Variants in RGPD2 observed in about 807,000 individuals in gnomAD.
The protein encoded by RGPD2 is RANBP2-like and GRIP domain-containing protein 2.
A neutral mutation model predicts 36.0 loss-of-function variants in RGPD2; 2 were observed. That is an observed-to-expected ratio of 0.06 (90% CI 0.02 to 0.17). RGPD2 has a LOEUF of 0.17. RGPD2 is among the 10% of genes least tolerant of loss of function. RGPD2 has a pLI of 1.00. For missense variants in RGPD2, 40 were observed against 464.3 expected (o/e 0.09, Z 8.40); for synonymous variants, 19 against 163.8 (o/e 0.12, Z 6.75).
chr2:87,972,699 G>A, the RGPD2 span: 65 of 1,589,088 alleles, frequency 4.1e-5, no homozygotes, highest in Non-Finnish European at 5.4e-5. Flanking sequence ...GAGGCCTGGG[G>A]GGCACTTCGG....
the RGPD2 span, chr2:87,968,688 C>T: frequency 8.8e-3 from 1,938 of 219,860 alleles, 20 homozygotes; most frequent in Non-Finnish European, 0.014. Flanking sequence ...CTTCGGAAAC[C>T]CAGCGGGCGC....
the RGPD2 span, among the ~76,000 whole-genome samples, chr2:87,880,485 A>G: frequency 8.1e-5 from 7 of 86,352 alleles, no homozygotes; most frequent in Non-Finnish European, 1.3e-4. Flanking sequence ...ACAGTTGTGT[A>G]GCTTTTATAG....
chr2:87,828,382 TGAA>T (rs1318579424), upstream of RGPD2, among the ~76,000 whole-genome samples: 4 of 99,488 alleles, frequency 4.0e-5, no homozygotes, highest in Non-Finnish European at 8.2e-5. Flanking sequence ...GTCTAAATAA[TGAA>T]GATTTTTTTC....
chr2:87,961,616 C>T, the RGPD2 span, among the ~76,000 whole-genome samples: 1 of 144,350 alleles, frequency 6.9e-6, no homozygotes, highest in Non-Finnish European at 1.5e-5. Context: ...GCACGAGAAT[C>T]GCTTGAAACT....
At chr2:87,893,547 G>T in the RGPD2 span, among the ~76,000 whole-genome samples, 2 of 129,006 alleles carry the variant, frequency 1.6e-5, no homozygotes, top group African/African-American at 6.6e-5. Context: ...GCTATTCTTT[G>T]TATTGCTTAC....
At chr2:87,830,894 G>T in the RGPD2 span, among the ~76,000 whole-genome samples, 3 of 152,080 alleles carry the variant, frequency 2.0e-5, no homozygotes, top group African/African-American at 7.2e-5. Flanking sequence ...TGGGGATTAT[G>T]GGAGTTACAG....
At chr2:87,912,247 C>G in the RGPD2 span, among the ~76,000 whole-genome samples, 2 of 151,038 alleles carry the variant, frequency 1.3e-5, no homozygotes, top group African/African-American at 4.9e-5. Flanking sequence ...TACCTATGTG[C>G]CTTTGCATAT....
chr2:87,968,582 A>AC, the RGPD2 span: 1 of 147,510 alleles, frequency 6.8e-6, no homozygotes, highest in East Asian at 2.1e-4. Flanking sequence ...TTCCAAAAAA[A>AC]AGTGAGTTGT....
At chr2:87,882,281 G>A in the RGPD2 span, among the ~76,000 whole-genome samples, 4 of 152,076 alleles carry the variant, frequency 2.6e-5, no homozygotes, top group Admixed American at 1.3e-4. Flanking sequence ...TCTTATATAA[G>A]GGTGAAATCA....
intron 22 of RGPD2, among the ~76,000 whole-genome samples, chr2:87,759,047 G>A (rs1308721678): frequency 1.5e-5 from 2 of 137,052 alleles, no homozygotes; most frequent in East Asian, 2.1e-4. Flanking sequence ...ACAGAATTTT[G>A]CTCTCATTGC....
chr2:87,983,276 C>T, the RGPD2 span, among the ~76,000 whole-genome samples: 49 of 152,216 alleles, frequency 3.2e-4, no homozygotes, highest in African/African-American at 6.3e-4. Flanking sequence ...GCCAGGATAG[C>T]GCCACTGCAT....
At chr2:87,952,489 A>G in the RGPD2 span, among the ~76,000 whole-genome samples, 1 of 152,252 alleles carries the variant, frequency 6.6e-6, no homozygotes, top group Non-Finnish European at 1.5e-5. Flanking sequence ...TATATTATGT[A>G]AAATACATAC....
the RGPD2 span, among the ~76,000 whole-genome samples, chr2:87,960,102 C>G: frequency 7.1e-6 from 1 of 140,862 alleles, no homozygotes; most frequent in African/African-American, 2.6e-5. Flanking sequence ...ATTCATGAGC[C>G]TTTTAAACAT....
intron 6 of RGPD2, among the ~76,000 whole-genome samples, chr2:87,807,357 A>T (rs1186550771): frequency 7.0e-6 from 1 of 142,184 alleles, no homozygotes; most frequent in Admixed American, 6.8e-5. Context: ...TTTTTACTAT[A>T]TAGATCATTA....
chr2:87,769,940 C>G (rs937705156), intron 22 of RGPD2, among the ~76,000 whole-genome samples: 2 of 151,410 alleles, frequency 1.3e-5, no homozygotes, highest in African/African-American at 4.8e-5. Context: ...CTTATTTGGG[C>G]CCTTGTGACA....
chr2:87,864,806 A>G, the RGPD2 span, among the ~76,000 whole-genome samples: 1 of 152,134 alleles, frequency 6.6e-6, no homozygotes, highest in Non-Finnish European at 1.5e-5. Flanking sequence ...GGTTATTATT[A>G]ATTTTTTACA....
At chr2:87,887,090 C>A in the RGPD2 span, among the ~76,000 whole-genome samples, 1 of 150,904 alleles carries the variant, frequency 6.6e-6, no homozygotes, top group African/African-American at 2.4e-5. Flanking sequence ...CAGTCAAGGA[C>A]CTATAAATAT....
the RGPD2 span, among the ~76,000 whole-genome samples, chr2:87,932,224 A>G: frequency 2.3e-5 from 2 of 86,138 alleles, no homozygotes; most frequent in African/African-American, 4.7e-5. Context: ...TTTTATCTTT[A>G]TTGGTTTTAT....
chr2:87,885,299 A>C, the RGPD2 span, among the ~76,000 whole-genome samples: 1 of 152,148 alleles, frequency 6.6e-6, no homozygotes, highest in Non-Finnish European at 1.5e-5. Context: ...ACAAAACTTA[A>C]CATCATTTTA....
Sources: gnomAD v4.1 joint callset for allele counts (sites outside exome capture counted in the v4.1 genomes callset) on GRCh38, gnomAD v4.1.1 for gene constraint, MANE v1.5 for transcripts, NCBI Gene and HGNC (gene_info 2026-07-23, HGNC 2026-07-21) for gene names.